Variants in RIMS2 observed in about 807,000 individuals in gnomAD.
RIMS2 encodes the protein regulating synaptic membrane exocytosis protein 2.
In RIMS2, 59 loss-of-function variants were observed where a neutral mutation model predicts 174.4. The observed-to-expected ratio is 0.34, with a 90% CI of 0.27 to 0.42. The LOEUF (loss-of-function observed/expected upper bound fraction) is 0.42, where lower values mean the gene tolerates loss of function less well. RIMS2 is among the 10% of genes least tolerant of loss of function. RIMS2 has a pLI of 1.00. For missense variants in RIMS2, 1,620 were observed against 1,666.3 expected (o/e 0.97, Z 0.48); for synonymous variants, 606 against 572.5 (o/e 1.06, Z -0.84).
At chr8:103,555,809 A>G (rs2131772216) in intron 1 of RIMS2, among the ~76,000 whole-genome samples, 1 of 151,830 alleles carries the variant, frequency 6.6e-6, no homozygotes, top group Non-Finnish European at 1.5e-5. Context: ...TCAAAAAAAA[A>G]AAAAAGAAAA....
intron 5 of RIMS2, 52 bp downstream of exon 8, chr8:103,910,581 G>C: frequency 9.3e-7 from 1 of 1,071,210 alleles, no homozygotes; most frequent in African/African-American, 1.6e-5. Flanking sequence ...GTCTTCGTTT[G>C]CTCTCTGTCA....
chr8:104,197,073 T>A (rs2099028427), intron 19 of RIMS2, among the ~76,000 whole-genome samples: 1 of 152,142 alleles, frequency 6.6e-6, no homozygotes, highest in Non-Finnish European at 1.5e-5. Context: ...CTCTTTTAAT[T>A]CTCATTGTTG....
chr8:103,574,974 A>C (rs1272076618), intron 1 of RIMS2, among the ~76,000 whole-genome samples: 5 of 152,164 alleles, frequency 3.3e-5, no homozygotes, highest in Non-Finnish European at 7.4e-5. Flanking sequence ...AGCTATTAAA[A>C]ATTTTTACAT....
chr8:104,103,674 A>G (rs2097957930), intron 19 of RIMS2, among the ~76,000 whole-genome samples: 1 of 143,116 alleles, frequency 7.0e-6, no homozygotes, highest in Non-Finnish European at 1.5e-5. Context: ...ATGCTCAAGA[A>G]AAGGTGATTT....
rs1015004258 is a variant in RIMS2, at chr8:103,843,377, T to C, written c.699-41921T>C. The stretch of plus-strand genomic sequence containing the variant: ...TCCCCCTGCCTCAGCCTTGCTAATA[T>C]GCACTCCAGGCATATTATGCACTCC... On this transcript the variant is annotated intron_variant, in intron 3 of 23. Coordinates refer to ENST00000504942, the Ensembl canonical transcript of RIMS2. Among the ~76,000 whole-genome samples the C allele has an allele frequency of 3.3e-5, 5 of 152,156 alleles. No individual in the cohort carries two copies. In the South Asian group the frequency reaches 8.3e-4, roughly 25 times the overall value.
intron 4 of RIMS2, among the ~76,000 whole-genome samples, chr8:103,906,365 C>T (rs1594901086): frequency 6.6e-6 from 1 of 152,252 alleles, no homozygotes. Flanking sequence ...TTGCCTCAGC[C>T]TCCCAAGTAG....
chr8:103,598,414 C>G (rs1038896286), intron 1 of RIMS2, among the ~76,000 whole-genome samples: 1 of 152,082 alleles, frequency 6.6e-6, no homozygotes, highest in Non-Finnish European at 1.5e-5. Context: ...TGTCAAGATA[C>G]TGAAATAAAT....
At chr8:103,815,330 AT>A (rs1403125097) in intron 3 of RIMS2, among the ~76,000 whole-genome samples, 1 of 152,024 alleles carries the variant, frequency 6.6e-6, no homozygotes, top group Non-Finnish European at 1.5e-5. Flanking sequence ...TATTATTTTT[AT>A]TTGCATTCTT....
intron 19 of RIMS2, among the ~76,000 whole-genome samples, chr8:104,151,465 A>C (rs1246322853): frequency 6.6e-6 from 1 of 152,066 alleles, no homozygotes; most frequent in Non-Finnish European, 1.5e-5. Flanking sequence ...GCTACACTGG[A>C]GGCTGAGGCA....
intron 3 of RIMS2, among the ~76,000 whole-genome samples, chr8:103,767,686 G>A (rs187189744): frequency 4.2e-4 from 64 of 152,312 alleles, no homozygotes; most frequent in African/African-American, 1.5e-3. Flanking sequence ...ACCACTGGGA[G>A]TCATTTTAGA....
chr8:104,154,163 A>T (rs74415924), intron 19 of RIMS2, among the ~76,000 whole-genome samples: 4,392 of 152,278 alleles, frequency 0.029, 182 homozygotes, highest in African/African-American at 0.098. Context: ...CATTCGATAG[A>T]TGGGGGGAAA....
intron 2 of RIMS2, among the ~76,000 whole-genome samples, chr8:103,740,283 G>A (rs1258683966): frequency 6.6e-6 from 1 of 152,166 alleles, no homozygotes; most frequent in Non-Finnish European, 1.5e-5. Flanking sequence ...AATTTTATAA[G>A]TGGTGATTAA....
intron 14 of RIMS2, among the ~76,000 whole-genome samples, chr8:103,946,994 AG>A (rs1327340738): frequency 6.6e-6 from 1 of 152,204 alleles, no homozygotes; most frequent in Non-Finnish European, 1.5e-5. Flanking sequence ...GGGGGGGAAT[AG>A]TTTTTTGTTG....
intron 1 of RIMS2, among the ~76,000 whole-genome samples, chr8:103,513,838 T>C (rs1299558826): frequency 6.6e-6 from 1 of 152,194 alleles, no homozygotes; most frequent in Non-Finnish European, 1.5e-5. Flanking sequence ...AATTGAAAAT[T>C]AGATTTTGCT....
At chr8:104,092,234 G>A (rs1215650115) in intron 19 of RIMS2, among the ~76,000 whole-genome samples, 1 of 151,716 alleles carries the variant, frequency 6.6e-6, no homozygotes, top group African/African-American at 2.4e-5. Context: ...GCAATGAATT[G>A]TCATTCGTGG....
At chr8:103,531,776 T>C (rs1288528736) in intron 1 of RIMS2, among the ~76,000 whole-genome samples, 3 of 152,200 alleles carry the variant, frequency 2.0e-5, no homozygotes, top group Admixed American at 2.0e-4. Flanking sequence ...ACCATGTAGG[T>C]AGTGTTGTGA....
chr8:103,700,745 A>G (rs1196405360), intron 2 of RIMS2, among the ~76,000 whole-genome samples: 2 of 151,746 alleles, frequency 1.3e-5, no homozygotes, highest in East Asian at 1.9e-4. Flanking sequence ...AAGTATTTTT[A>G]TGATTCATAT....
chr8:103,549,726 A>G (rs1311680995), intron 1 of RIMS2, among the ~76,000 whole-genome samples: 1 of 152,214 alleles, frequency 6.6e-6, no homozygotes, highest in Non-Finnish European at 1.5e-5. Context: ...CAGGAGACCC[A>G]TCTCACATGC....
At position 103,966,613 on chromosome 8, in the gene RIMS2, T is replaced by C. The variant is rs1303490993; in HGVS notation, c.2770+5480T>C. Among the ~76,000 whole-genome samples the C allele has an allele frequency of 2.0e-5, 3 of 152,146 alleles. No homozygotes were observed. The East Asian group carries it at 5.8e-4, about 29-fold the overall frequency. The stretch of plus-strand genomic sequence containing the variant: ...TTCTCTATTGATTTTCTGTTTTCAA[T>C]TTTACTGACTCTAATTCTACTATTT... On this transcript the variant is annotated intron_variant, in intron 15 of 23. Transcript: ENST00000504942.
Sources: gnomAD v4.1 joint callset for allele counts (sites outside exome capture counted in the v4.1 genomes callset) on GRCh38, gnomAD v4.1.1 for gene constraint, MANE v1.5 for transcripts, NCBI Gene and HGNC (gene_info 2026-07-23, HGNC 2026-07-21) for gene names.